The following ZNF91 variants were observed in gnomAD, a reference collection of about 807,000 sequenced individuals.
ZNF91 encodes zinc finger protein 91 (HPF7, HTF10).
ZNF91 carries 7 observed loss-of-function variants against 12.6 expected under a neutral mutation model. The observed-to-expected ratio is 0.55, with a 90% CI of 0.31 to 1.04. The LOEUF (loss-of-function observed/expected upper bound fraction) is 1.04, where lower values mean the gene tolerates loss of function less well. Among genes scored for constraint, ZNF91 ranks in the 50% least tolerant of loss-of-function variants. The probability of loss-of-function intolerance (pLI) is 0.05; values close to 1 mark genes in which losing one functional copy is unlikely to be tolerated. For missense variants in ZNF91, 1,217 were observed against 1,385.4 expected, an observed-to-expected ratio of 0.88 and a Z score of 1.93; for synonymous variants, 453 against 462.6, an observed-to-expected ratio of 0.98 and a Z score of 0.27.
Position 23,384,945 on chromosome 19 carries a change from G to C in ZNF91, c.31-10181C>G, listed in dbSNP as rs1230796061. The C allele has an allele frequency of 7.0e-6, 6 of 851,396 alleles. No individual in the cohort carries two copies. In the East Asian group the frequency reaches 1.5e-4, roughly 21 times the overall value. The allele number at this position is 851,396 out of a possible 1,614,324, so 52.7% of individuals were successfully genotyped here. A position where few individuals can be genotyped will look rare whatever the true frequency, so the allele number is the denominator to read the frequency against. ...AACAGGAGTCCTTTCGGCCAGCAAA[G>C]TTGCCAAGGCTTAGCTGCGAGCCCG... On this transcript the variant is annotated intron_variant, in intron 1 of 3. Transcript: ENST00000300619.
In ZNF91 at chr19:23,361,344, G is replaced by C. The variant is rs746411143; in HGVS notation, c.1635C>G (p.Pro545=). The part of the protein sequence containing the change: ...KHKIIHSREK[P]YKCKECGKAF... ...CTTTGCCACATTCTTTACATTTGTA[G>C]GGTTTCTCTCTACTATGAATTATCT... The change falls in exon 4 of 4, where the codon CCC becomes CCG. Residue 545 remains proline, a synonymous_variant. Transcript: ENST00000300619. The C allele has an allele frequency of 1.2e-6, 2 of 1,608,512 alleles. No homozygotes were observed. The highest frequency in any genetic ancestry group is 3.4e-5 in the Admixed American group (2 of 59,490).
intron 3 of ZNF91, among the ~76,000 whole-genome samples, chr19:23,348,027 C>T (rs982382482): frequency 1.3e-5 from 2 of 152,188 alleles, no homozygotes; most frequent in African/African-American, 4.8e-5. Context: ...AATAATGGGC[C>T]TGCCTTCCTC....
downstream of ZNF91, among the ~76,000 whole-genome samples, chr19:23,356,513 C>A (rs1368233104): frequency 1.3e-5 from 2 of 152,096 alleles, no homozygotes; most frequent in Non-Finnish European, 2.9e-5. Context: ...TATGTTCTCA[C>A]TGATATGTGG....
At chr19:23,315,755 A>G (rs1967547013) in intron 1 of ZNF91, among the ~76,000 whole-genome samples, 1 of 152,180 alleles carries the variant, frequency 6.6e-6, no homozygotes. Flanking sequence ...CCTACCTACC[A>G]GAGACATTGC....
At chr19:23,325,832 C>G (rs1350514385) in intron 1 of ZNF91, 1 of 152,288 alleles carries the variant, frequency 6.6e-6, no homozygotes, top group African/African-American at 2.4e-5. Context: ...TATCTTCCAC[C>G]CTGCTGCCAG....
chr19:23,311,256 T>C (rs771287133), upstream of ZNF91, among the ~76,000 whole-genome samples: 7 of 152,084 alleles, frequency 4.6e-5, no homozygotes, highest in Non-Finnish European at 7.4e-5. Context: ...GGAATTTGTA[T>C]GTGTTGATGT....
In ZNF91 at chr19:23,368,994, CA is replaced by C. The variant is rs201606004; in HGVS notation, c.253+4747del. Among the ~76,000 whole-genome samples the C allele has an allele frequency of 4.4e-3, 666 of 152,146 alleles. 4 individuals are homozygous for C. Among genetic ancestry groups the C allele is most frequent in the African/African-American group, 0.015 (640 of 41,518 alleles). ...GTCACTATCCATTTTTTAAAAGCAC[CA>C]AATCTCTTGATAATGCAATCAAAAT... On this transcript the variant is annotated intron_variant, in intron 3 of 3. Transcript: ENST00000300619.
At chr19:23,323,659 C>A (rs1599688866) in intron 1 of ZNF91, among the ~76,000 whole-genome samples, 1 of 116,346 alleles carries the variant, frequency 8.6e-6, no homozygotes, top group Non-Finnish European at 1.7e-5. Context: ...TCTCCTCCTC[C>A]TTTCCTCTTC....
At chr19:23,321,358 C>G (rs11672733) in intron 1 of ZNF91, among the ~76,000 whole-genome samples, 28,602 of 152,058 alleles carry the variant, frequency 0.19, 2,914 homozygotes, top group Non-Finnish European at 0.21. Flanking sequence ...TGGTGCTGCA[C>G]AGAAGGGACA....
At chr19:23,309,400 G>C (rs751820546) in intron 1 of ZNF91, among the ~76,000 whole-genome samples, 1 of 152,092 alleles carries the variant, frequency 6.6e-6, no homozygotes, top group African/African-American at 2.4e-5. Flanking sequence ...TCATGCCTGG[G>C]TATTACCCAA....
At chr19:23,389,819 G>C (rs1011570030) in intron 1 of ZNF91, among the ~76,000 whole-genome samples, 1 of 152,140 alleles carries the variant, frequency 6.6e-6, no homozygotes, top group African/African-American at 2.4e-5. Context: ...CCCAGAGTCA[G>C]CACAGACCTT....
chr19:23,323,823 T>C (rs1409649968), intron 1 of ZNF91: 1 of 151,604 alleles, frequency 6.6e-6, no homozygotes, highest in Non-Finnish European at 1.5e-5. Context: ...CTCCTACTTT[T>C]CCTTTTTCTT....
chr19:23,332,718 C>T (rs751129758), intron 1 of ZNF91, among the ~76,000 whole-genome samples: 17 of 152,246 alleles, frequency 1.1e-4, no homozygotes, highest in East Asian at 5.8e-4. Flanking sequence ...TAATATTTGA[C>T]GACATAAGTG....
chr19:23,354,370 T>C (rs554351680), downstream of ZNF91, among the ~76,000 whole-genome samples: 11 of 152,188 alleles, frequency 7.2e-5, no homozygotes, highest in South Asian at 6.2e-4. Context: ...AAAAATCACA[T>C]GATCATCTGA....
chr19:23,361,127 T>C lies in ZNF91; in HGVS notation c.1852A>G (p.Arg618Gly). Residue 618 changes from arginine (R) to glycine (G), a missense_variant, in exon 4 of 4, where the codon AGA becomes GGA. Arg to Gly is a moderately radical substitution (Grantham distance 125). Transcript: ENST00000300619. ...GKAFLWSSTLRRHKRIHTGEK... is the reference protein window; with the variant it reads ...GKAFLWSSTLGRHKRIHTGEK... ...CCAGTGTGTATCCTCTTATGTCTTC[T>C]TAGGGTTGAGGACCATAGAAATGCT... 6.2e-7 allele frequency: 1 copy of C among 1,613,794 alleles called. No individual in the cohort carries two copies. The highest frequency in any genetic ancestry group is 8.5e-7 in the Non-Finnish European group (1 of 1,179,890).
At chr19:23,372,728 T>C (rs982582639) in intron 3 of ZNF91, among the ~76,000 whole-genome samples, 4 of 152,234 alleles carry the variant, frequency 2.6e-5, no homozygotes, top group Non-Finnish European at 4.4e-5. Flanking sequence ...CTGCAGACTT[T>C]GGCCTTTACT....
intron 1 of ZNF91, among the ~76,000 whole-genome samples, chr19:23,382,324 G>A (rs1303487043): frequency 1.3e-5 from 2 of 152,086 alleles, no homozygotes; most frequent in East Asian, 3.9e-4. Context: ...GTTTATGGAA[G>A]AAAAAACAGA....
At chr19:23,340,729 T>C (rs1033730182) in intron 3 of ZNF91, among the ~76,000 whole-genome samples, 2 of 150,598 alleles carry the variant, frequency 1.3e-5, no homozygotes, top group African/African-American at 4.9e-5. Context: ...AAAACTATTA[T>C]TAAATTATTA....
intron 3 of ZNF91, among the ~76,000 whole-genome samples, chr19:23,349,560 C>T (rs73926128): frequency 0.013 from 2,038 of 152,202 alleles, 47 homozygotes; most frequent in African/African-American, 0.046. Context: ...GAGGCCATGC[C>T]CCTTCCTGTC....
Sources: gnomAD v4.1 joint callset for allele counts (sites outside exome capture counted in the v4.1 genomes callset) on GRCh38, gnomAD v4.1.1 for gene constraint, MANE v1.5 for transcripts, NCBI Gene and HGNC (gene_info 2026-07-23, HGNC 2026-07-21) for gene names.